The following SPRY3 variants were observed in gnomAD, a reference collection of about 807,000 sequenced individuals.
SPRY3 encodes sprouty RTK signaling antagonist 3.
In SPRY3, 15 loss-of-function variants were observed where a neutral mutation model predicts 20.2. The ratio of observed to expected loss-of-function variants is 0.74; its 90% CI spans 0.50 to 1.14. The LOEUF (loss-of-function observed/expected upper bound fraction) is 1.14, where lower values mean the gene tolerates loss of function less well. Ranked by LOEUF, SPRY3 falls within the 50% of genes most tolerant of loss-of-function variation. The pLI, the probability that SPRY3 is intolerant of heterozygous loss-of-function variation, is 0.00. For missense variants in SPRY3, 364 were observed against 363.9 expected, an observed-to-expected ratio of 1.00 and a Z score of 0.00; for synonymous variants, 143 against 136.5, an observed-to-expected ratio of 1.05 and a Z score of -0.33.
At chrX:155,767,683 G>C (rs1321945567) in intron 2 of SPRY3, 4 of 121,714 alleles carry the variant, frequency 3.3e-5, no homozygotes, top group African/African-American at 1.2e-4. Flanking sequence ...GGAGGAGAAA[G>C]AGGCGGAGGA....
At chrX:155,627,801 T>A (rs1396269290) in intron 1 of SPRY3, among the ~76,000 whole-genome samples, 1 of 110,117 alleles carries the variant, frequency 9.1e-6, no homozygotes, top group Non-Finnish European at 1.9e-5. Context: ...CTATTTATCC[T>A]GATGCTCTCC....
intron 2 of SPRY3, among the ~76,000 whole-genome samples, chrX:155,703,903 C>G (rs1288674648): frequency 8.6e-5 from 13 of 151,832 alleles, no homozygotes; most frequent in Non-Finnish European, 1.6e-4. Flanking sequence ...CACAAATTCT[C>G]TATAAAAATT....
intron 2 of SPRY3, among the ~76,000 whole-genome samples, chrX:155,704,608 A>G (rs911165254): frequency 6.6e-6 from 1 of 151,758 alleles, no homozygotes; most frequent in African/African-American, 2.4e-5. Flanking sequence ...AAAGTATTTT[A>G]AAAAATAATG....
intron 1 of SPRY3, among the ~76,000 whole-genome samples, chrX:155,643,462 GTTA>G (rs2067948436): frequency 9.0e-6 from 1 of 111,514 alleles, no homozygotes; most frequent in African/African-American, 3.3e-5. Flanking sequence ...TACATTTACT[GTTA>G]TTATTGATAA....
intron 2 of SPRY3, among the ~76,000 whole-genome samples, chrX:155,686,632 T>C (rs1225386147): frequency 2.7e-5 from 3 of 111,644 alleles, no homozygotes; most frequent in African/African-American, 9.8e-5. Context: ...TATCTCCCAG[T>C]ATTTTTCTGT....
chrX:155,753,168 C>T (rs1355930595), intron 2 of SPRY3, among the ~76,000 whole-genome samples: 2 of 151,852 alleles, frequency 1.3e-5, no homozygotes, highest in African/African-American at 2.4e-5. Context: ...ATATTCTCAA[C>T]GTTGTACAAC....
At chrX:155,710,312 T>C (rs1324731127) in intron 2 of SPRY3, among the ~76,000 whole-genome samples, 1 of 151,806 alleles carries the variant, frequency 6.6e-6, no homozygotes, top group Non-Finnish European at 1.5e-5. Context: ...TATCTTTCCA[T>C]TTTTTGTGCG....
chrX:155,678,899 C>G (rs375162459), intron 2 of SPRY3, among the ~76,000 whole-genome samples: 8 of 111,746 alleles, frequency 7.2e-5, no homozygotes, highest in African/African-American at 2.6e-4. Flanking sequence ...AGGACAGATT[C>G]ATTCAACAAA....
chrX:155,629,441 A>G (rs2067899130), intron 1 of SPRY3, among the ~76,000 whole-genome samples: 1 of 110,766 alleles, frequency 9.0e-6, no homozygotes, highest in African/African-American at 3.3e-5. Context: ...CGTCTTTGCT[A>G]TTGTGAATAG....
chrX:155,671,133 T>G (rs1285450211), intron 2 of SPRY3, among the ~76,000 whole-genome samples: 1 of 111,841 alleles, frequency 8.9e-6, no homozygotes, highest in Admixed American at 9.5e-5. Context: ...ATACTTTATT[T>G]TAGAGATGAT....
intron 2 of SPRY3, among the ~76,000 whole-genome samples, chrX:155,702,324 C>T (rs9724557): frequency 0.14 from 627 of 4,458 alleles, 3 homozygotes; most frequent in South Asian, 0.28. Flanking sequence ...TGAAGAGGTC[C>T]TTCACATCCC....
chrX:155,732,225 A>G (rs2091137815), intron 2 of SPRY3, among the ~76,000 whole-genome samples: 1 of 152,044 alleles, frequency 6.6e-6, no homozygotes, highest in Non-Finnish European at 1.5e-5. Context: ...TTATTTTTAC[A>G]TTGCAAATCA....
intron 2 of SPRY3, among the ~76,000 whole-genome samples, chrX:155,708,873 C>G (rs1396840511): frequency 6.6e-6 from 1 of 151,296 alleles, no homozygotes; most frequent in Non-Finnish European, 1.5e-5. Context: ...TACCCATTAA[C>G]CATCCCCACC....
intron 2 of SPRY3, among the ~76,000 whole-genome samples, chrX:155,728,783 C>T (rs1395563402): frequency 2.6e-5 from 4 of 152,136 alleles, no homozygotes; most frequent in Non-Finnish European, 5.9e-5. Flanking sequence ...AGGCGACACC[C>T]TGCCCTGCTT....
chrX:155,672,608 C>G (rs1428215662), intron 2 of SPRY3, among the ~76,000 whole-genome samples: 2 of 109,186 alleles, frequency 1.8e-5, no homozygotes, highest in East Asian at 5.8e-4. Flanking sequence ...CACTTTTACA[C>G]TGTTGGTGGG....
chrX:155,753,823 C>T (rs1222041360), intron 2 of SPRY3, among the ~76,000 whole-genome samples: 3 of 151,898 alleles, frequency 2.0e-5, no homozygotes, highest in Admixed American at 6.6e-5. Context: ...TTTGTTTCTG[C>T]TTTGCATTCC....
At chrX:155,724,164 A>G (rs1200088711) in intron 2 of SPRY3, among the ~76,000 whole-genome samples, 1 of 152,160 alleles carries the variant, frequency 6.6e-6, no homozygotes, top group Non-Finnish European at 1.5e-5. Flanking sequence ...TGGTACCAGT[A>G]CCATGCTGTT....
intron 2 of SPRY3, among the ~76,000 whole-genome samples, chrX:155,755,554 T>C (rs1214400068): frequency 6.6e-6 from 1 of 152,064 alleles, no homozygotes; most frequent in Admixed American, 6.6e-5. Flanking sequence ...GTGGGTTATT[T>C]TGGCACCTTC....
At chrX:155,627,219 T>C (rs1351632530) in intron 1 of SPRY3, among the ~76,000 whole-genome samples, 1 of 111,382 alleles carries the variant, frequency 9.0e-6, no homozygotes, top group Non-Finnish European at 1.9e-5. Context: ...AACCAACATC[T>C]CTCCACCTGC....
Sources: allele counts gnomAD v4.1 joint callset (sites outside exome capture counted in the v4.1 genomes callset), GRCh38; gene constraint gnomAD v4.1.1; transcripts MANE v1.5; gene names NCBI Gene and HGNC (gene_info 2026-07-23, HGNC 2026-07-21).